RAB33A: variants seen among roughly 807,000 people sequenced by gnomAD.
RAB33A encodes ras-related protein Rab-33A.
A neutral mutation model predicts 12.0 loss-of-function variants in RAB33A; 6 were observed. The observed-to-expected ratio is 0.50, with a 90% CI of 0.27 to 0.99. The LOEUF (loss-of-function observed/expected upper bound fraction) is 0.99. Ranked by LOEUF, RAB33A falls within the 50% of genes least tolerant of loss-of-function variation. The pLI is 0.11. For missense variants in RAB33A, 109 were observed against 192.0 expected, an observed-to-expected ratio of 0.57 and a Z score of 2.55; for synonymous variants, 70 against 82.4, an observed-to-expected ratio of 0.85 and a Z score of 0.81.
the RAB33A span, chrX:130,138,510 T>C: frequency 1.4e-6 from 1 of 693,793 alleles, no homozygotes; most frequent in African/African-American, 2.1e-5. Flanking sequence ...TTCCTACTGA[T>C]CCTGCCAAAC....
chrX:130,136,160 G>A, the RAB33A span: 1 of 1,210,490 alleles, frequency 8.3e-7, no homozygotes, highest in Non-Finnish European at 1.1e-6. Context: ...CAGGCCCACA[G>A]CTGCCACTAT....
chrX:130,156,822 T>C, the RAB33A span, among the ~76,000 whole-genome samples: 3 of 111,980 alleles, frequency 2.7e-5, no homozygotes, highest in Admixed American at 2.9e-4. Context: ...AATTTAATGC[T>C]GTCCAGTGAG....
the RAB33A span, among the ~76,000 whole-genome samples, chrX:130,156,094 A>G: frequency 8.9e-6 from 1 of 112,002 alleles, no homozygotes; most frequent in African/African-American, 3.2e-5. Flanking sequence ...AATAGGTCAA[A>G]ATCAAATATT....
Position 130,181,007 on chromosome X carries a change from C to CAAAAAA in RAB33A, c.259-3256_259-3251dup, listed in dbSNP as rs60085312. 4.9e-4 allele frequency among the ~76,000 whole-genome samples: 4 copies of CAAAAAA among 8,128 alleles called. 1 individual carries two copies. The highest frequency in any genetic ancestry group is 1.0e-3 in the African/African-American group (3 of 2,953). 7.1% of individuals were successfully genotyped at this position (8,128 alleles called of 115,157 possible). On this transcript the variant is annotated intron_variant, in intron 1 of 1. Transcript: ENST00000257017. ...TGGGCAACAGAGCAACAGTCCATCT[C>CAAAAAA]AAAAAAAAAAAAAAAAAAAAAAAAA...
upstream of RAB33A, among the ~76,000 whole-genome samples, chrX:130,167,182 T>G (rs966914221): frequency 8.9e-6 from 1 of 112,462 alleles, no homozygotes; most frequent in Non-Finnish European, 1.9e-5. Context: ...AAAGATAACA[T>G]TTTTCATTGT....
chrX:130,170,766 C>T (rs989190491), upstream of RAB33A, among the ~76,000 whole-genome samples: 2 of 112,502 alleles, frequency 1.8e-5, no homozygotes, highest in African/African-American at 6.5e-5. Flanking sequence ...CTAGGGATTC[C>T]CAACTCCCTC....
chrX:130,169,378 A>G (rs1036986217), upstream of RAB33A, among the ~76,000 whole-genome samples: 24 of 111,572 alleles, frequency 2.2e-4, no homozygotes, highest in African/African-American at 6.5e-4. Context: ...ACTGGAAAAC[A>G]CTGTCAAAAT....
At chrX:130,130,331 G>A in the RAB33A span, among the ~76,000 whole-genome samples, 1 of 111,881 alleles carries the variant, frequency 8.9e-6, no homozygotes, top group African/African-American at 3.2e-5. Flanking sequence ...GCCTTCACCA[G>A]CCCCTCTCCA....
chrX:130,178,874 G>T (rs937000696), intron 1 of RAB33A, among the ~76,000 whole-genome samples: 1 of 107,779 alleles, frequency 9.3e-6, no homozygotes. Flanking sequence ...GGATGGTCTC[G>T]ATCTCCTGAC....
chrX:130,174,100 A>G (rs1217161836), intron 1 of RAB33A, among the ~76,000 whole-genome samples: 4 of 111,738 alleles, frequency 3.6e-5, no homozygotes, highest in African/African-American at 1.3e-4. Flanking sequence ...CCTTGAAGGA[A>G]TTTTTAAACT....
At chrX:130,173,508 C>T (rs1174883070) in intron 1 of RAB33A, among the ~76,000 whole-genome samples, 8 of 111,532 alleles carry the variant, frequency 7.2e-5, no homozygotes, top group Admixed American at 6.7e-4. Context: ...TGAAACTGTG[C>T]GAGACTCCTG....
At chrX:130,150,981 A>AAAAAAAAAAAAG in the RAB33A span, among the ~76,000 whole-genome samples, 2 of 102,178 alleles carry the variant, frequency 2.0e-5, no homozygotes, top group African/African-American at 7.2e-5. Flanking sequence ...CTGTCTCAAA[A>AAAAAAAAAAAAG]AAAAAAAAAA....
chrX:130,165,628 C>T, the RAB33A span: 21 of 1,200,500 alleles, frequency 1.7e-5, no homozygotes, highest in Admixed American at 2.2e-5. Context: ...CTTCAAAGCA[C>T]CCGCCGCCAG....
chrX:130,165,693 T>A, the RAB33A span: 4 of 1,105,784 alleles, frequency 3.6e-6, no homozygotes, highest in Non-Finnish European at 4.9e-6. Context: ...TCCTTCCCTT[T>A]CCTCTCACGC....
chrX:130,166,306 T>C, the RAB33A span, among the ~76,000 whole-genome samples: 7 of 111,491 alleles, frequency 6.3e-5, no homozygotes, highest in Admixed American at 6.7e-4. Flanking sequence ...CCCAACCCGT[T>C]TCCTGGACAA....
the RAB33A span, chrX:130,130,083 C>A: frequency 2.5e-6 from 3 of 1,209,924 alleles, no homozygotes; most frequent in Non-Finnish European, 3.4e-6. Context: ...TGGACGGGAG[C>A]CTGTGGAACT....
At chrX:130,182,593 A>G (rs2031743353) in intron 1 of RAB33A, among the ~76,000 whole-genome samples, 1 of 109,679 alleles carries the variant, frequency 9.1e-6, no homozygotes, top group Admixed American at 9.8e-5. Flanking sequence ...CGTCTCTACT[A>G]AAAATATAAA....
the RAB33A span, chrX:130,130,087 T>C: frequency 8.3e-7 from 1 of 1,211,963 alleles, no homozygotes; most frequent in Non-Finnish European, 1.1e-6. Flanking sequence ...CGGGAGCCTG[T>C]GGAACTGCCG....
chrX:130,116,252 T>G, the RAB33A span, among the ~76,000 whole-genome samples: 1 of 108,470 alleles, frequency 9.2e-6, no homozygotes, highest in Admixed American at 9.9e-5. Flanking sequence ...CCCGAGTAGC[T>G]GGGATTACAG....
Sources: gnomAD v4.1 joint callset for allele counts (sites outside exome capture counted in the v4.1 genomes callset) on GRCh38, gnomAD v4.1.1 for gene constraint, MANE v1.5 for transcripts, NCBI Gene and HGNC (gene_info 2026-07-23, HGNC 2026-07-21) for gene names.